The following THSD7A variants were observed in gnomAD, a reference collection of about 807,000 sequenced individuals.
THSD7A encodes the protein thrombospondin type-1 domain-containing protein 7A.
THSD7A carries 96 observed loss-of-function variants against 231.3 expected under a neutral mutation model. That is an observed-to-expected ratio of 0.41 (90% CI 0.35 to 0.49). The LOEUF is 0.49. Ranked by LOEUF, THSD7A falls within the 20% of genes least tolerant of loss-of-function variation. The pLI, the probability that THSD7A is intolerant of heterozygous loss-of-function variation, is 0.05. For synonymous variants in THSD7A, 940 were observed against 743.3 expected (o/e 1.26, Z -4.30); for missense variants, 2,290 against 2,070.2 (o/e 1.11, Z -2.06).
chr7:11,546,894 T>C (rs1287292778), intron 4 of THSD7A, among the ~76,000 whole-genome samples: 1 of 151,694 alleles, frequency 6.6e-6, no homozygotes, highest in Non-Finnish European at 1.5e-5. Context: ...AAACTCACTA[T>C]AAGAATTTCA....
At chr7:11,771,507 C>T (rs1783228482) in intron 1 of THSD7A, among the ~76,000 whole-genome samples, 1 of 151,888 alleles carries the variant, frequency 6.6e-6, no homozygotes. Context: ...AGATAACAAT[C>T]TCTAAGTTAT....
chr7:11,808,561 T>C (rs928902235), intron 1 of THSD7A, among the ~76,000 whole-genome samples: 1 of 152,144 alleles, frequency 6.6e-6, no homozygotes, highest in East Asian at 1.9e-4. Context: ...TGAAAAAATA[T>C]AGGTTTTCTA....
chr7:11,636,273 A>C lies in THSD7A; in HGVS notation c.879T>G (p.Asp293Glu). The C allele has an allele frequency of 6.2e-7, 1 of 1,613,786 alleles. No homozygotes were observed. Among genetic ancestry groups the C allele is most frequent in the South Asian group, 1.1e-5 (1 of 91,072 alleles). The change falls in exon 2 of 28, where the codon GAT becomes GAG. Residue 293 changes from aspartate to glutamate, a missense_variant. Coordinates refer to ENST00000423059, the MANE Select transcript of THSD7A (RefSeq NM_015204.3). This position sits in a 1 kb window ranked among gnomAD's most constrained non-coding sequence, Gnocchi z 10.0. ...REKDRSKGVKDPEARELIKKK... is the reference protein window; with the variant it reads ...REKDRSKGVKEPEARELIKKK... ...TCTTAATAAGCTCGCGGGCTTCTGG[A>C]TCCTTTACTCCTTTGCTGCGGTCCT...
chr7:11,769,138 TATATATATA>T (rs1783132433), intron 1 of THSD7A, among the ~76,000 whole-genome samples: 3 of 59,278 alleles, frequency 5.1e-5, no homozygotes, highest in African/African-American at 1.6e-4. Context: ...TATATATATA[TATATATATA>T]TATATATTTT....
chr7:11,580,715 C>T (rs371358181), intron 4 of THSD7A, among the ~76,000 whole-genome samples: 2 of 151,892 alleles, frequency 1.3e-5, no homozygotes, highest in Non-Finnish European at 1.5e-5. Flanking sequence ...GGGAACAACA[C>T]GCACTGGGGT....
chr7:11,563,406 T>A (rs1790159577), intron 4 of THSD7A, among the ~76,000 whole-genome samples: 1 of 152,120 alleles, frequency 6.6e-6, no homozygotes, highest in Admixed American at 6.6e-5. Flanking sequence ...GTTTCCCAGG[T>A]TGGAGTGCAG....
At chr7:11,517,792 T>C (rs1461547241) in intron 6 of THSD7A, among the ~76,000 whole-genome samples, 4 of 152,248 alleles carry the variant, frequency 2.6e-5, no homozygotes, top group African/African-American at 9.6e-5. Context: ...TATCTCTATA[T>C]GCTAATTTGC....
chr7:11,379,528 G>T, intron 25 of THSD7A, 102 bp downstream of exon 25: 1 of 1,133,366 alleles, frequency 8.8e-7, no homozygotes, highest in Non-Finnish European at 1.3e-6. Flanking sequence ...GGATTTTTAT[G>T]CCTCAAGACA....
At chr7:11,821,144 T>A (rs573728106) in intron 1 of THSD7A, 132 of 1,103,060 alleles carry the variant, frequency 1.2e-4, no homozygotes, top group Non-Finnish European at 1.7e-4. Flanking sequence ...TTTAGGTATT[T>A]AGTAAAGTGT....
chr7:11,637,894 G>A lies in THSD7A; in HGVS notation c.191-933C>T, dbSNP rs182847742. On this transcript the variant is annotated intron_variant, in intron 1 of 27. Transcript: ENST00000423059. The surrounding 1 kb of genome is among the most constrained non-coding windows in gnomAD (Gnocchi z 4.2). Reference sequence around the variant, plus strand: ...CTTTAATAGACAGATCCCAATTTACGAAATTGAGAATTGTATTATTTTGGA... The same window carrying A: ...CTTTAATAGACAGATCCCAATTTACAAAATTGAGAATTGTATTATTTTGGA... 3.6e-3 allele frequency among the ~76,000 whole-genome samples: 541 copies of A among 152,138 alleles called. 2 individuals carry two copies. Among genetic ancestry groups the A allele is most frequent in the Admixed American group, 8.0e-3 (122 of 15,286 alleles).
chr7:11,417,871 G>A (rs1373792551), intron 16 of THSD7A, among the ~76,000 whole-genome samples: 1 of 152,204 alleles, frequency 6.6e-6, no homozygotes, highest in Non-Finnish European at 1.5e-5. Flanking sequence ...AAGAGCCACT[G>A]TGTATATGTA....
chr7:11,375,907 G>A (rs763927408), intron 27 of THSD7A, 29 bp from the exon 28 acceptor site: 1 of 1,598,298 alleles, frequency 6.3e-7, no homozygotes, highest in Admixed American at 1.7e-5. Context: ...TTAGGAGAAA[G>A]AAAATCAGTT....
chr7:11,800,729 A>G (rs1328382402), intron 1 of THSD7A, among the ~76,000 whole-genome samples: 2 of 152,128 alleles, frequency 1.3e-5, no homozygotes, highest in Non-Finnish European at 2.9e-5. Context: ...GGCTGAGGGG[A>G]GAGGGAAATG....
chr7:11,827,360 C>T (rs944634056), intron 1 of THSD7A, among the ~76,000 whole-genome samples: 1 of 152,086 alleles, frequency 6.6e-6, no homozygotes, highest in South Asian at 2.1e-4. Flanking sequence ...CCTAAAATGT[C>T]GTTTCCCAAA....
Position 11,632,517 on chromosome 7 carries a change from T to C in THSD7A, c.1022+3613A>G, listed in dbSNP as rs1348150550. On this transcript the variant is annotated intron_variant, in intron 2 of 27. Coordinates refer to ENST00000423059, the MANE Select transcript of THSD7A (RefSeq NM_015204.3). The surrounding 1 kb of genome is among the most constrained non-coding windows in gnomAD (Gnocchi z 4.1). ...GGAGTATTCCAGAATTATCGTAACA[T>C]CTGAGGGAAAAGGTCTTATTTTTAC... Among the ~76,000 whole-genome samples the C allele has an allele frequency of 2.0e-5, 3 of 152,186 alleles. No individual in the cohort carries two copies. Among genetic ancestry groups the C allele is most frequent in the Non-Finnish European group, 4.4e-5 (3 of 68,034 alleles).
At chr7:11,478,860 C>T (rs1786308354) in intron 7 of THSD7A, among the ~76,000 whole-genome samples, 1 of 152,106 alleles carries the variant, frequency 6.6e-6, no homozygotes, top group South Asian at 2.1e-4. Context: ...CAATACTCCT[C>T]TCATTTTAGC....
At chr7:11,798,465 T>C (rs1369844268) in intron 1 of THSD7A, among the ~76,000 whole-genome samples, 1 of 149,370 alleles carries the variant, frequency 6.7e-6, no homozygotes, top group Non-Finnish European at 1.5e-5. Context: ...AGTGAGACGC[T>C]ATCTCCAAAA....
chr7:11,668,576 G>T (rs1308752159), intron 1 of THSD7A, among the ~76,000 whole-genome samples: 1 of 151,990 alleles, frequency 6.6e-6, no homozygotes, highest in Non-Finnish European at 1.5e-5. Flanking sequence ...GTTTTTTTAA[G>T]CTCCACAATA....
At chr7:11,495,280 T>G (rs1159920992) in intron 6 of THSD7A, among the ~76,000 whole-genome samples, 1 of 152,084 alleles carries the variant, frequency 6.6e-6, no homozygotes, top group African/African-American at 2.4e-5. Context: ...TTATATCATA[T>G]TTTTATAATA....
Sources: allele counts gnomAD v4.1 joint callset (sites outside exome capture counted in the v4.1 genomes callset), GRCh38; gene constraint gnomAD v4.1.1; non-coding constraint Gnocchi (gnomAD v3.1); transcripts MANE v1.5; gene names NCBI Gene and HGNC (gene_info 2026-07-23, HGNC 2026-07-21).